RORA: variants seen among roughly 807,000 people sequenced by gnomAD.
The protein encoded by RORA is RAR related orphan receptor A.
RORA carries 7 observed loss-of-function variants against 69.5 expected under a neutral mutation model. The observed-to-expected ratio is 0.10, with a 90% confidence interval of 0.06 to 0.19. The LOEUF is 0.19. Among genes scored for constraint, RORA ranks in the 10% least tolerant of loss-of-function variants. The probability of loss-of-function intolerance (pLI) is 1.00; values close to 1 mark genes in which losing one functional copy is unlikely to be tolerated. For missense variants in RORA, 457 were observed against 663.0 expected, an observed-to-expected ratio of 0.69 and a Z score of 3.41; for synonymous variants, 261 against 240.8, an observed-to-expected ratio of 1.08 and a Z score of -0.78.
intron 1 of RORA, 60 bp downstream of exon 1, chr15:61,228,993 C>T (rs1054916117): frequency 8.7e-5 from 87 of 1,005,642 alleles, no homozygotes; most frequent in Admixed American, 9.8e-5. Flanking sequence ...CTCCCGGCCG[C>T]CCCCCGCTCC....
intron 2 of RORA, among the ~76,000 whole-genome samples, chr15:60,577,102 T>C (rs2068048604): frequency 6.6e-6 from 1 of 152,238 alleles, no homozygotes. Context: ...ATTCTGGTCT[T>C]CCACTGTTAT....
At chr15:60,772,459 T>C (rs189167347) in intron 1 of RORA, among the ~76,000 whole-genome samples, 276 of 152,288 alleles carry the variant, frequency 1.8e-3, no homozygotes, top group African/African-American at 6.4e-3. Context: ...TAGGGAAAAA[T>C]ACCACAGAGT....
intron 1 of RORA, among the ~76,000 whole-genome samples, chr15:60,856,605 G>T (rs1326948916): frequency 3.3e-5 from 5 of 151,588 alleles, no homozygotes; most frequent in Admixed American, 6.6e-5. Flanking sequence ...GAAAAAAAAT[G>T]TATAACATTT....
intron 1 of RORA, among the ~76,000 whole-genome samples, chr15:61,193,075 C>CTATCT (rs10657506): frequency 0.98 from 149,027 of 152,084 alleles, 73,005 homozygotes; most frequent in East Asian, 1. Context: ...ATTCTCTCTC[C>CTATCT]TATATCTTTC....
intron 1 of RORA, among the ~76,000 whole-genome samples, chr15:61,139,810 C>T (rs1008398448): frequency 6.6e-6 from 1 of 152,158 alleles, no homozygotes; most frequent in Non-Finnish European, 1.5e-5. Flanking sequence ...AAATAAATCA[C>T]AAGAAAAAAT....
chr15:61,083,054 C>T (rs2078568762), intron 1 of RORA, among the ~76,000 whole-genome samples: 1 of 152,196 alleles, frequency 6.6e-6, no homozygotes, highest in Admixed American at 6.5e-5. Flanking sequence ...ATGAAGCCCA[C>T]ATCTGAGACC....
chr15:60,586,439 T>A (rs1030782431), intron 2 of RORA, among the ~76,000 whole-genome samples: 1 of 151,928 alleles, frequency 6.6e-6, no homozygotes, highest in African/African-American at 2.4e-5. Flanking sequence ...GGACAGCAGA[T>A]ATTACGTATT....
chr15:61,184,259 G>A (rs2079717558), intron 1 of RORA, among the ~76,000 whole-genome samples: 1 of 152,156 alleles, frequency 6.6e-6, no homozygotes, highest in Non-Finnish European at 1.5e-5. Flanking sequence ...ACGCTGAGAA[G>A]CAATAGCTAT....
At chr15:61,028,738 T>C (rs1895963771) in intron 1 of RORA, among the ~76,000 whole-genome samples, 2 of 152,182 alleles carry the variant, frequency 1.3e-5, no homozygotes, top group South Asian at 4.1e-4. Flanking sequence ...CAAATGTCTA[T>C]CAACTGATGC....
chr15:60,655,473 G>C (rs2140706480), intron 2 of RORA, among the ~76,000 whole-genome samples: 1 of 152,276 alleles, frequency 6.6e-6, no homozygotes, highest in Admixed American at 6.5e-5. Flanking sequence ...GGGACTCAAA[G>C]CTCCAGGGGG....
chr15:60,646,373 A>G (rs1172317927), intron 2 of RORA, among the ~76,000 whole-genome samples: 5 of 152,248 alleles, frequency 3.3e-5, no homozygotes, highest in East Asian at 3.9e-4. Flanking sequence ...CTGAACTTCT[A>G]TATTTCTCCA....
At chr15:60,523,061 A>C (rs571647746) in intron 3 of RORA, among the ~76,000 whole-genome samples, 270 of 151,712 alleles carry the variant, frequency 1.8e-3, no homozygotes, top group African/African-American at 6.0e-3. Flanking sequence ...AAAAAAAAAA[A>C]CTGATGAAAA....
At chr15:60,785,292 C>T (rs2072319618) in intron 1 of RORA, among the ~76,000 whole-genome samples, 1 of 152,162 alleles carries the variant, frequency 6.6e-6, no homozygotes, top group Non-Finnish European at 1.5e-5. Context: ...TACCAGGAGG[C>T]AGACTTGTGT....
intron 1 of RORA, among the ~76,000 whole-genome samples, chr15:60,866,562 A>C (rs929240880): frequency 6.6e-6 from 1 of 152,150 alleles, no homozygotes; most frequent in African/African-American, 2.4e-5. Flanking sequence ...TGGTTGCCAG[A>C]GGAACAAACT....
At chr15:61,218,957 G>A (rs1383899200) in intron 1 of RORA, among the ~76,000 whole-genome samples, 1 of 152,110 alleles carries the variant, frequency 6.6e-6, no homozygotes, top group African/African-American at 2.4e-5. Context: ...TTTGCTGTGG[G>A]CCTCCTGGCT....
intron 1 of RORA, among the ~76,000 whole-genome samples, chr15:60,925,730 C>G (rs8027853): frequency 0.11 from 16,398 of 152,216 alleles, 1,163 homozygotes; most frequent in African/African-American, 0.19. Context: ...GGTGTGGAAT[C>G]CAAGGACTAT....
intron 1 of RORA, among the ~76,000 whole-genome samples, chr15:60,936,596 C>T (rs1892529445): frequency 6.8e-6 from 1 of 147,850 alleles, no homozygotes; most frequent in South Asian, 2.1e-4. Context: ...AGTGCTCTAT[C>T]CACCCCTGAG....
Position 60,511,176 on chromosome 15 carries a change from C to T in RORA, c.820+50G>A, listed in dbSNP as rs2065685751. The T allele has an allele frequency of 1.9e-6, 3 of 1,548,476 alleles. No individual in the cohort carries two copies. The African/African-American group carries it at 4.1e-5, about 21-fold the overall frequency. ...AGGAAAGTCAGACATACCCCTTTTA[C>T]TTCAAAGGGCATGAATAGAGCATCC... is the stretch of plus-strand genomic sequence containing the variant. On this transcript the variant is annotated intron_variant, in intron 5 of 10. Coordinates refer to ENST00000335670, the MANE Select transcript of RORA (RefSeq NM_134261.3). The surrounding 1 kb of genome is among the most constrained non-coding windows in gnomAD (Gnocchi z 6.4).
intron 1 of RORA, among the ~76,000 whole-genome samples, chr15:60,943,916 CAAAAAAAAAAAAA>C (rs545168599): frequency 1.2e-4 from 4 of 32,332 alleles, no homozygotes; most frequent in African/African-American, 3.3e-4. Context: ...ACTCCATCTC[CAAAAAAAAAAAAA>C]AAAAAAAAAA....
Sources: allele counts gnomAD v4.1 joint callset (sites outside exome capture counted in the v4.1 genomes callset), GRCh38; gene constraint gnomAD v4.1.1; non-coding constraint Gnocchi (gnomAD v3.1); transcripts MANE v1.5; gene names NCBI Gene and HGNC (gene_info 2026-07-23, HGNC 2026-07-21).